RBBP6: variants seen among roughly 807,000 people sequenced by gnomAD.
The protein encoded by RBBP6 is E3 ubiquitin-protein ligase RBBP6.
RBBP6 carries 25 observed loss-of-function variants against 167.7 expected under a neutral mutation model. The ratio of observed to expected loss-of-function variants is 0.15; its 90% CI spans 0.11 to 0.21. The LOEUF (loss-of-function observed/expected upper bound fraction) is 0.21, where lower values mean the gene tolerates loss of function less well. RBBP6 is among the 10% of genes least tolerant of loss of function. The pLI is 1.00. For synonymous variants in RBBP6, 789 were observed against 735.8 expected, an observed-to-expected ratio of 1.07 and a Z score of -1.17; for missense variants, 1,868 against 2,134.2, an observed-to-expected ratio of 0.88 and a Z score of 2.46.
At chr16:24,561,573 C>T in intron 8 of RBBP6, 39 bp from the exon 9 acceptor site, 2 of 1,527,190 alleles carry the variant, frequency 1.3e-6, no homozygotes, top group East Asian at 2.3e-5. Flanking sequence ...CTTTGAGTTC[C>T]TACTATGCTT....
chr16:24,559,579 A>G lies in RBBP6; in HGVS notation c.749A>G (p.Asp250Gly). The G allele has an allele frequency of 6.2e-7, 1 of 1,609,058 alleles. No homozygotes were observed. The highest frequency in any genetic ancestry group is 8.5e-7 in the Non-Finnish European group (1 of 1,177,596). The change falls in exon 8 of 18, where the codon GAT becomes GGT. Residue 250 changes from aspartate (D) to glycine (G), a missense_variant. Asp to Gly is a moderately conservative substitution (Grantham distance 94). This residue lies in a region of RBBP6 where 184 missense variants were observed against 327.7 expected (regional missense o/e 0.56). Transcript: ENST00000319715. ...PEEPSSSSEEDDPIPDELLCL... is the reference protein window; with the variant it reads ...PEEPSSSSEEGDPIPDELLCL... ...GAGCCATCTTCTTCCTCAGAAGAAG[A>G]TGATCCTATCCCAGATGAATTGTTG... is the stretch of plus-strand genomic sequence containing the variant.
In RBBP6 at chr16:24,539,704, A is replaced by G. The variant is rs1373131411; in HGVS notation, c.-923A>G. ...GCCGGAGAAGCCCTAGCCGCTGCCC[A>G]GCAGCTTGCGGGCGTGTTCTCGCGG... On this transcript the variant is annotated 5_prime_UTR_variant, in exon 1 of 18. Coordinates refer to ENST00000319715, the MANE Select transcript of RBBP6 (RefSeq NM_006910.5). 2 of 152,198 alleles carry G rather than the reference A, an allele frequency of 1.3e-5. No homozygotes were observed. The highest frequency in any genetic ancestry group is 2.4e-5 in the African/African-American group (1 of 41,458). 9.4% of individuals were successfully genotyped at this position (152,198 alleles called of 1,614,324 possible). A position where few individuals can be genotyped will look rare whatever the true frequency, so the allele number is the denominator to read the frequency against.
chr16:24,546,283 A>G, intron 2 of RBBP6, 21 bp downstream of exon 2: 30 of 1,524,124 alleles, frequency 2.0e-5, no homozygotes, highest in Non-Finnish European at 2.6e-5. Flanking sequence ...AATCTCATGT[A>G]TTTCTCAAAA....
chr16:24,541,190 AAACAAAAAAAAAAC>A (rs1481550948), intron 1 of RBBP6, among the ~76,000 whole-genome samples: 2 of 82,202 alleles, frequency 2.4e-5, no homozygotes, highest in South Asian at 3.6e-4. Flanking sequence ...GCAAAAAAAA[AAACAAAAAAAAAAC>A]CAAAAAAACA....
chr16:24,546,106 C>T, intron 1 of RBBP6, 57 bp from the exon 2 acceptor site: 1 of 1,500,956 alleles, frequency 6.7e-7, no homozygotes, highest in East Asian at 2.5e-5. Flanking sequence ...TTTTCTAATT[C>T]TTGGTTACGC....
chr16:24,540,495 A>G lies in RBBP6; in HGVS notation c.-132A>G, dbSNP rs1286247158. The G allele has an allele frequency of 3.5e-6, 3 of 860,260 alleles. No homozygotes were observed. Among genetic ancestry groups the G allele is most frequent in the East Asian group, 5.4e-5 (2 of 37,054 alleles). 53.3% of individuals were successfully genotyped at this position (860,260 alleles called of 1,614,324 possible). A position where few individuals can be genotyped will look rare whatever the true frequency, so the allele number is the denominator to read the frequency against. ...CCTGCTTGTGGTTGGGGGGTATTTA[A>G]TCTGAGGCCTTAGGGTCCTTCGGTG... On this transcript the variant is annotated 5_prime_UTR_variant, in exon 1 of 18. Coordinates refer to ENST00000319715, the MANE Select transcript of RBBP6 (RefSeq NM_006910.5).
In RBBP6 at chr16:24,540,307, C is replaced by A. The variant is rs1020210552; in HGVS notation, c.-320C>A. On this transcript the variant is annotated 5_prime_UTR_variant, in exon 1 of 18. Transcript: ENST00000319715. ...CTACTGACTGCACCGCCAATCCCCC[C>A]GTCTCTGCCGGCCCCTTAGCATGAG... 4 of 249,114 alleles carry A rather than the reference C, an allele frequency of 1.6e-5. No homozygotes were observed. The highest frequency in any genetic ancestry group is 2.4e-5 in the Non-Finnish European group (3 of 126,430). 15.4% of individuals were successfully genotyped at this position (249,114 alleles called of 1,614,324 possible).
rs199993645 is a variant in RBBP6, at chr16:24,540,802, G to A, written c.166+10G>A. On this transcript the variant is annotated intron_variant, in intron 1 of 17. Transcript: ENST00000319715. ...GCGCAGACGAAAGAAGGTAAGGGCC[G>A]CTTGGTCTTAAGATATTTGGTGGCT... is the stretch of plus-strand genomic sequence containing the variant. The A allele has an allele frequency of 3.7e-6, 6 of 1,608,640 alleles. No homozygotes were observed. The highest frequency in any genetic ancestry group is 4.2e-6 in the Non-Finnish European group (5 of 1,178,154).
chr16:24,541,901 C>T (rs946896438), intron 1 of RBBP6, among the ~76,000 whole-genome samples: 8 of 152,122 alleles, frequency 5.3e-5, no homozygotes, highest in African/African-American at 1.7e-4. Flanking sequence ...GGGAGGTCCC[C>T]CACCTCCAGC....
chr16:24,555,435 A>G, intron 4 of RBBP6, 180 bp from the exon 5 acceptor site: 2 of 555,888 alleles, frequency 3.6e-6, no homozygotes, highest in Admixed American at 3.4e-5. Flanking sequence ...GCAGACACCT[A>G]AACATCATGT....
Position 24,571,319 on chromosome 16 carries a change from A to C in RBBP6, c.4253A>C (p.Lys1418Thr). The C allele has an allele frequency of 6.2e-7, 1 of 1,614,140 alleles. No homozygotes were observed. Among genetic ancestry groups the C allele is most frequent in the East Asian group, 2.2e-5 (1 of 44,874 alleles). The change falls in exon 18 of 18, where the codon AAG (lysine) becomes ACG (threonine). Residue 1418 changes from lysine to threonine, a missense_variant. By Grantham distance (78) the Lys-to-Thr change is moderately conservative (BLOSUM62 -1). Around this residue, in one of 7 missense-constraint regions of RBBP6, gnomAD observed 591 missense variants for 540.5 expected, o/e 1.09. Coordinates refer to ENST00000319715, the MANE Select transcript of RBBP6 (RefSeq NM_006910.5). ...GTGTTGGAAAAGGAGAACCCTGAAA[A>C]GAGGAAGAACAGCACTCAGCCAGAG... ...YSVLEKENPE[K>T]RKNSTQPEKE...
chr16:24,564,938 C>T lies in RBBP6; in HGVS notation c.1589+73C>T, dbSNP rs145386295. On this transcript the variant is annotated intron_variant, in intron 14 of 17. Coordinates refer to ENST00000319715, the MANE Select transcript of RBBP6 (RefSeq NM_006910.5). ...ATATATCTCACCAAAGAAATTAAAG[C>T]ACAGCAGTGGCAGGAAGGAAGGGGG... is the stretch of plus-strand genomic sequence containing the variant. 323 of 1,529,536 alleles carry T rather than the reference C, an allele frequency of 2.1e-4. 1 individual carries two copies. The African/African-American group carries it at 4.2e-3, about 20-fold the overall frequency. The allele number at this position is 1,529,536 out of a possible 1,614,324, so 94.7% of individuals were successfully genotyped here.
In RBBP6 at chr16:24,540,539, G is replaced by T; in HGVS notation, c.-88G>T. 7.5e-7 allele frequency: 1 copy of T among 1,342,020 alleles called. No homozygotes were observed. The highest frequency in any genetic ancestry group is 1.4e-5 in the South Asian group (1 of 70,964). 83.1% of individuals were successfully genotyped at this position (1,342,020 alleles called of 1,614,324 possible). The stretch of plus-strand genomic sequence containing the variant: ...TTCGGTGTCTTTGAGTGTTTTGTGT[G>T]TACATATTTTGCTCTTAAAGTTTAT... On this transcript the variant is annotated 5_prime_UTR_variant, in exon 1 of 18. Coordinates refer to ENST00000319715, the MANE Select transcript of RBBP6 (RefSeq NM_006910.5).
intron 14 of RBBP6, 44 bp from the exon 15 acceptor site, chr16:24,567,099 G>T (rs1454481289): frequency 3.3e-5 from 52 of 1,559,336 alleles, no homozygotes; most frequent in Non-Finnish European, 4.5e-5. Flanking sequence ...TGTCTCAGAT[G>T]ACTTTAGTTT....
intron 3 of RBBP6, among the ~76,000 whole-genome samples, chr16:24,550,370 TG>T (rs1351744694): frequency 2.3e-5 from 3 of 132,768 alleles, no homozygotes; most frequent in Admixed American, 8.3e-5. Context: ...TTTGTTTTTT[TG>T]TTTTTTTTTT....
At chr16:24,561,515 A>G in intron 8 of RBBP6, 97 bp from the exon 9 acceptor site, 1 of 1,011,730 alleles carries the variant, frequency 9.9e-7, no homozygotes, top group South Asian at 1.5e-5. Flanking sequence ...GAAAACAGTA[A>G]TGTAACTGAA....
chr16:24,569,443 A>C lies in RBBP6; in HGVS notation c.2753A>C (p.Glu918Ala). ...HNQKDNTKSK[E>A]KESENAPGDG... ...CAGAAGGATAATACAAAGTCAAAAG[A>C]GAAGGAGAGTGAAAACGCTCCAGGA... Residue 918 changes from glutamate (E) to alanine (A), a missense_variant, in exon 17 of 18, where the codon GAG (glutamate) becomes GCG (alanine). Physicochemically the swap from Glu to Ala is moderately radical, Grantham distance 107. Around this residue, in one of 7 missense-constraint regions of RBBP6, gnomAD observed 673 missense variants for 691.5 expected, o/e 0.97. Transcript: ENST00000319715. The C allele has an allele frequency of 6.2e-7, 1 of 1,613,636 alleles. No homozygotes were observed. Among genetic ancestry groups the C allele is most frequent in the Non-Finnish European group, 8.5e-7 (1 of 1,179,906 alleles).
At chr16:24,557,972 A>C (rs114089488) in intron 7 of RBBP6, among the ~76,000 whole-genome samples, 2,046 of 152,248 alleles carry the variant, frequency 0.013, 51 homozygotes, top group African/African-American at 0.046. Flanking sequence ...TCTATTTTTT[A>C]TCAGTCACCA....
chr16:24,556,929 CAAGT>C (rs1344785595), intron 7 of RBBP6, among the ~76,000 whole-genome samples: 1 of 150,390 alleles, frequency 6.6e-6, no homozygotes, highest in Non-Finnish European at 1.5e-5. Context: ...TTAAGATTCT[CAAGT>C]AAGGTTTATT....
Sources: gnomAD v4.1 joint callset for allele counts (sites outside exome capture counted in the v4.1 genomes callset) on GRCh38, gnomAD v4.1.1 for gene constraint, gnomAD v4.1.1 regional missense constraint, MANE v1.5 for transcripts, NCBI Gene and HGNC (gene_info 2026-07-23, HGNC 2026-07-21) for gene names.